The following DIAPH3 variants were observed in gnomAD, a reference collection of about 807,000 sequenced individuals.
The protein encoded by DIAPH3 is diaphanous related formin 3.
Under a neutral mutation model 144.3 loss-of-function variants are expected in DIAPH3, and 117 were observed. That is an observed-to-expected ratio of 0.81 (90% CI 0.70 to 0.95). DIAPH3 has a LOEUF of 0.95. Among genes scored for constraint, DIAPH3 ranks in the 40% least tolerant of loss-of-function variants. The pLI, the probability that DIAPH3 is intolerant of heterozygous loss-of-function variation, is 0.00. For synonymous variants in DIAPH3, 519 were observed against 488.9 expected (o/e 1.06, Z -0.81); for missense variants, 1,421 against 1,412.7 (o/e 1.01, Z -0.09).
At position 59,920,380 on chromosome 13, in the gene DIAPH3, A is replaced by G. The variant is rs548597362; in HGVS notation, c.2171-4131T>C. ...GATATGCCATGCACATGAAAACCGAAAAAGAACAGGAGTAGCTATATTTAC... is the reference window on the plus strand; with the variant it reads ...GATATGCCATGCACATGAAAACCGAGAAAGAACAGGAGTAGCTATATTTAC... On this transcript the variant is annotated intron_variant, in intron 18 of 27. Transcript: ENST00000400324. Among the ~76,000 whole-genome samples the G allele has an allele frequency of 3.3e-5, 5 of 152,018 alleles. No individual in the cohort carries two copies. In the South Asian group the frequency reaches 1.0e-3, roughly 31 times the overall value.
intron 27 of DIAPH3, among the ~76,000 whole-genome samples, chr13:59,769,660 TA>T (rs1332133623): frequency 6.6e-6 from 1 of 151,792 alleles, no homozygotes; most frequent in African/African-American, 2.4e-5. Context: ...CCCTCTCACT[TA>T]CACTTTAGTT....
intron 17 of DIAPH3, among the ~76,000 whole-genome samples, chr13:59,946,411 A>C (rs2048797787): frequency 6.6e-6 from 1 of 152,178 alleles, no homozygotes. Context: ...CCTCCCGAAC[A>C]CTACCTGATA....
chr13:59,709,564 A>G (rs1459763902), intron 27 of DIAPH3, among the ~76,000 whole-genome samples: 1 of 152,260 alleles, frequency 6.6e-6, no homozygotes, highest in Non-Finnish European at 1.5e-5. Context: ...CACACCAGTT[A>G]GAATGGCAAT....
At chr13:59,802,667 ATT>A (rs71089516) in intron 25 of DIAPH3, among the ~76,000 whole-genome samples, 3 of 23,758 alleles carry the variant, frequency 1.3e-4, no homozygotes, top group East Asian at 1.4e-3. Flanking sequence ...TATTATTATT[ATT>A]TTTTTTTTTT....
At chr13:59,942,932 T>C (rs2048607622) in intron 17 of DIAPH3, among the ~76,000 whole-genome samples, 1 of 152,212 alleles carries the variant, frequency 6.6e-6, no homozygotes, top group Non-Finnish European at 1.5e-5. Flanking sequence ...TATAATAATT[T>C]AGCTATTTTC....
chr13:59,746,244 A>G (rs1448850722), intron 27 of DIAPH3, among the ~76,000 whole-genome samples: 3 of 152,104 alleles, frequency 2.0e-5, no homozygotes, highest in African/African-American at 7.2e-5. Context: ...TTATTTTGAG[A>G]CAGAGTCTTG....
chr13:59,682,595 C>T lies in DIAPH3; in HGVS notation c.3320-15749G>A, dbSNP rs112508577. Among the ~76,000 whole-genome samples, 656 of 152,234 alleles carry T rather than the reference C, an allele frequency of 4.3e-3. 9 individuals carry two copies. The highest frequency in any genetic ancestry group is 0.017 in the Middle Eastern group (5 of 294). ...GGAAATAGTGCAGTTTCTTAAAATGCCTTTAAATTTTTTAGCTGTACTTAT... is the reference window on the plus strand; with the variant it reads ...GGAAATAGTGCAGTTTCTTAAAATGTCTTTAAATTTTTTAGCTGTACTTAT... On this transcript the variant is annotated intron_variant, in intron 27 of 27. Transcript: ENST00000400324.
At chr13:60,014,642 T>C (rs2053506290) in intron 7 of DIAPH3, among the ~76,000 whole-genome samples, 1 of 152,084 alleles carries the variant, frequency 6.6e-6, no homozygotes, top group African/African-American at 2.4e-5. Flanking sequence ...TGTGTAGCCC[T>C]ATAAAAGTTT....
chr13:59,950,973 T>C (rs2140438015), intron 17 of DIAPH3, among the ~76,000 whole-genome samples: 1 of 152,204 alleles, frequency 6.6e-6, no homozygotes, highest in South Asian at 2.1e-4. Context: ...TTTCATCAAT[T>C]TTCTAAATTT....
intron 12 of DIAPH3, among the ~76,000 whole-genome samples, chr13:59,984,586 A>C (rs972523895): frequency 1.3e-5 from 2 of 151,596 alleles, no homozygotes; most frequent in African/African-American, 2.4e-5. Flanking sequence ...AAGACTAATA[A>C]AGAAAAAAAG....
At chr13:59,759,288 A>G (rs888707650) in intron 27 of DIAPH3, among the ~76,000 whole-genome samples, 2 of 152,200 alleles carry the variant, frequency 1.3e-5, no homozygotes, top group Non-Finnish European at 2.9e-5. Context: ...TGAAAAATAC[A>G]TAAGGATGGG....
At chr13:60,158,895 C>A (rs914827051) in intron 1 of DIAPH3, among the ~76,000 whole-genome samples, 4 of 141,374 alleles carry the variant, frequency 2.8e-5, no homozygotes, top group African/African-American at 1.1e-4. Context: ...TTGCTCCTGC[C>A]TGGCCCCTCT....
chr13:60,108,259 T>C (rs1374826503), intron 3 of DIAPH3, among the ~76,000 whole-genome samples: 3 of 152,210 alleles, frequency 2.0e-5, no homozygotes, highest in Non-Finnish European at 4.4e-5. Flanking sequence ...TAAGGAATCC[T>C]TAACTCAGCA....
At chr13:59,926,202 C>A (rs778445100) in intron 17 of DIAPH3, among the ~76,000 whole-genome samples, 1 of 151,698 alleles carries the variant, frequency 6.6e-6, no homozygotes, top group Non-Finnish European at 1.5e-5. Flanking sequence ...TGCCCAGGCT[C>A]GTCTTGAACT....
Position 59,850,350 on chromosome 13 carries a change from C to T in DIAPH3, c.2738-10902G>A, listed in dbSNP as rs1189080391. On this transcript the variant is annotated intron_variant, in intron 22 of 27. Coordinates refer to ENST00000400324, the MANE Select transcript of DIAPH3 (RefSeq NM_001042517.2). ...TGATTGGCCTGGCCAGAACTTCCAA[C>T]ACTATGTTGAATAGGAGCGGTGAGA... 2.6e-5 allele frequency among the ~76,000 whole-genome samples: 4 copies of T among 151,086 alleles called. No homozygotes were observed. In the East Asian group the frequency reaches 7.8e-4, roughly 29 times the overall value.
intron 27 of DIAPH3, among the ~76,000 whole-genome samples, chr13:59,685,729 G>A (rs2033181540): frequency 6.6e-6 from 1 of 152,140 alleles, no homozygotes; most frequent in Non-Finnish European, 1.5e-5. Context: ...AGATGGAAAA[G>A]TGGTATCACT....
At chr13:59,990,891 T>A (rs573546058) in intron 12 of DIAPH3, among the ~76,000 whole-genome samples, 30 of 152,108 alleles carry the variant, frequency 2.0e-4, no homozygotes, top group African/African-American at 5.8e-4. Flanking sequence ...ATCTGTCACA[T>A]GATAAACTAG....
At chr13:59,698,369 C>A (rs920845859) in intron 27 of DIAPH3, among the ~76,000 whole-genome samples, 2 of 152,050 alleles carry the variant, frequency 1.3e-5, no homozygotes, top group African/African-American at 2.4e-5. Context: ...AAAATGATGT[C>A]TTTTTAGTGA....
At chr13:59,719,660 G>T (rs1423483249) in intron 27 of DIAPH3, among the ~76,000 whole-genome samples, 1 of 152,054 alleles carries the variant, frequency 6.6e-6, no homozygotes, top group Non-Finnish European at 1.5e-5. Flanking sequence ...CCTTCTTGGT[G>T]TTGGAGAAAG....
Sources: allele counts gnomAD v4.1 joint callset (sites outside exome capture counted in the v4.1 genomes callset), GRCh38; gene constraint gnomAD v4.1.1; transcripts MANE v1.5; gene names NCBI Gene and HGNC (gene_info 2026-07-23, HGNC 2026-07-21).